The following KIAA0825 variants were observed in gnomAD, a reference collection of about 807,000 sequenced individuals.
KIAA0825 encodes the protein uncharacterized protein KIAA0825.
KIAA0825 carries 119 observed loss-of-function variants against 147.6 expected under a neutral mutation model. The observed-to-expected ratio is 0.81, with a 90% CI of 0.69 to 0.94. The LOEUF (loss-of-function observed/expected upper bound fraction) is 0.94, where lower values mean the gene tolerates loss of function less well. Ranked by LOEUF, KIAA0825 falls within the 40% of genes least tolerant of loss-of-function variation. KIAA0825 has a pLI of 0.00. For synonymous variants in KIAA0825, 470 were observed against 518.1 expected (o/e 0.91, Z 1.26); for missense variants, 1,381 against 1,472.7 (o/e 0.94, Z 1.02).
intron 20 of KIAA0825, among the ~76,000 whole-genome samples, chr5:94,267,863 A>T (rs922739876): frequency 5.9e-5 from 9 of 152,166 alleles, no homozygotes; most frequent in African/African-American, 1.9e-4. Flanking sequence ...AAATATGTTA[A>T]GTTTGCAGGT....
Position 94,421,677 on chromosome 5 carries a change from T to A in KIAA0825, c.2498-4312A>T, listed in dbSNP as rs571120588. Among the ~76,000 whole-genome samples the A allele has an allele frequency of 2.6e-5, 4 of 152,312 alleles. No homozygotes were observed. The East Asian group carries it at 7.7e-4, about 29-fold the overall frequency. On this transcript the variant is annotated intron_variant, in intron 14 of 20. Coordinates refer to ENST00000682413, the MANE Select transcript of KIAA0825 (RefSeq NM_001145678.3). ...TAGTTTAGGTTTTCTTTTCCTCTTGTTTTAATCAAAATACTTCCTAGAATA... is the reference window on the plus strand; with the variant it reads ...TAGTTTAGGTTTTCTTTTCCTCTTGATTTAATCAAAATACTTCCTAGAATA...
chr5:94,519,579 AT>A, intron 5 of KIAA0825: 1 of 592,808 alleles, frequency 1.7e-6, no homozygotes, highest in Non-Finnish European at 2.1e-6. Context: ...TATAGAAAAA[AT>A]AGTAGAGAAA....
chr5:94,474,670 C>CA (rs1226083011), intron 7 of KIAA0825, among the ~76,000 whole-genome samples: 1 of 152,074 alleles, frequency 6.6e-6, no homozygotes, highest in Non-Finnish European at 1.5e-5. Context: ...TTATATGATT[C>CA]CATGACTCTA....
At chr5:94,226,560 T>C (rs1583908572) in intron 20 of KIAA0825, among the ~76,000 whole-genome samples, 1 of 152,208 alleles carries the variant, frequency 6.6e-6, no homozygotes, top group South Asian at 2.1e-4. Flanking sequence ...TAAAGACATA[T>C]GCACAAATAT....
intron 20 of KIAA0825, among the ~76,000 whole-genome samples, chr5:94,326,984 C>G (rs1780758299): frequency 6.6e-6 from 1 of 152,030 alleles, no homozygotes; most frequent in Non-Finnish European, 1.5e-5. Flanking sequence ...TAAAAAGGAC[C>G]CTGATCACAT....
chr5:94,539,905 G>T (rs746635908), intron 2 of KIAA0825, among the ~76,000 whole-genome samples: 12 of 152,112 alleles, frequency 7.9e-5, no homozygotes, highest in Non-Finnish European at 1.6e-4. Flanking sequence ...TGCACTCTTT[G>T]CTGATGGCTA....
chr5:94,374,136 T>A (rs1303851328), intron 20 of KIAA0825, among the ~76,000 whole-genome samples: 1 of 152,200 alleles, frequency 6.6e-6, no homozygotes, highest in Non-Finnish European at 1.5e-5. Flanking sequence ...TAGTTTTTGA[T>A]CCAGTGCAAG....
intron 20 of KIAA0825, among the ~76,000 whole-genome samples, chr5:94,227,667 T>C (rs1774330310): frequency 6.6e-6 from 1 of 152,100 alleles, no homozygotes; most frequent in Non-Finnish European, 1.5e-5. Context: ...TTCATGTCCT[T>C]TGCAGGGACA....
intron 20 of KIAA0825, among the ~76,000 whole-genome samples, chr5:94,282,815 A>G (rs1777521038): frequency 6.6e-6 from 1 of 152,078 alleles, no homozygotes; most frequent in Admixed American, 6.6e-5. Context: ...ACAGAAAGCC[A>G]ATTTCAGGGT....
chr5:94,472,474 G>T (rs745986007), intron 8 of KIAA0825, among the ~76,000 whole-genome samples: 3 of 152,176 alleles, frequency 2.0e-5, no homozygotes, highest in Non-Finnish European at 4.4e-5. Context: ...GGCCGGGCGC[G>T]GTGGCTCACG....
intron 20 of KIAA0825, among the ~76,000 whole-genome samples, chr5:94,371,010 A>G (rs192804407): frequency 3.9e-4 from 59 of 152,260 alleles, no homozygotes; most frequent in Admixed American, 1.8e-3. Context: ...GCTTCAAATG[A>G]TTACAATTAG....
intron 1 of KIAA0825, among the ~76,000 whole-genome samples, chr5:94,601,695 TAACTGACCGGATAG>T (rs1786486064): frequency 6.6e-6 from 1 of 152,098 alleles, no homozygotes; most frequent in South Asian, 2.1e-4. Context: ...ACAGAGGATA[TAACTGACCGGATAG>T]AACTGAAAAA....
chr5:94,153,944 A>G lies in KIAA0825; in HGVS notation c.*63T>C. 1 of 1,177,798 alleles carries G rather than the reference A, an allele frequency of 8.5e-7. No individual in the cohort carries two copies. Among genetic ancestry groups the G allele is most frequent in the Non-Finnish European group, 1.2e-6 (1 of 809,178 alleles). The allele number at this position is 1,177,798 out of a possible 1,614,324, so 73.0% of individuals were successfully genotyped here. A position where few individuals can be genotyped will look rare whatever the true frequency, so the allele number is the denominator to read the frequency against. ...TATGAGGTTCATTCTGACTATGGTA[A>G]AAAATCCTACTCCATTACATGGGAT... On this transcript the variant is annotated 3_prime_UTR_variant, in exon 21 of 21. Transcript: ENST00000682413.
chr5:94,362,918 A>C (rs1039678725), intron 20 of KIAA0825, among the ~76,000 whole-genome samples: 1 of 152,240 alleles, frequency 6.6e-6, no homozygotes. Flanking sequence ...TCTGTATAAT[A>C]AAATAACAAG....
At chr5:94,299,821 T>G (rs1778306236) in intron 20 of KIAA0825, among the ~76,000 whole-genome samples, 2 of 152,196 alleles carry the variant, frequency 1.3e-5, no homozygotes, top group South Asian at 4.1e-4. Context: ...CTAGAGCCAA[T>G]AACTATTTCA....
intron 18 of KIAA0825, among the ~76,000 whole-genome samples, chr5:94,388,798 T>C (rs982074672): frequency 9.2e-5 from 14 of 152,238 alleles, no homozygotes; most frequent in Admixed American, 7.9e-4. Flanking sequence ...TTACCACTAA[T>C]TGGGCCATAT....
intron 1 of KIAA0825, among the ~76,000 whole-genome samples, chr5:94,602,840 T>G (rs370927992): frequency 1.6e-4 from 25 of 151,932 alleles, no homozygotes; most frequent in Admixed American, 1.6e-3. Flanking sequence ...CCTTTTTTTT[T>G]TTTTTTGAGA....
intron 20 of KIAA0825, among the ~76,000 whole-genome samples, chr5:94,379,765 C>A (rs939710951): frequency 1.4e-5 from 2 of 143,096 alleles, no homozygotes; most frequent in Admixed American, 7.1e-5. Flanking sequence ...TCTCTGATTT[C>A]TTTGAGCAGT....
At chr5:94,365,112 G>A (rs1268896562) in intron 20 of KIAA0825, among the ~76,000 whole-genome samples, 5 of 152,190 alleles carry the variant, frequency 3.3e-5, no homozygotes, top group Non-Finnish European at 5.9e-5. Context: ...GTGGCCCTAT[G>A]TAAATCGGGC....
Sources: allele counts gnomAD v4.1 joint callset (sites outside exome capture counted in the v4.1 genomes callset), GRCh38; gene constraint gnomAD v4.1.1; transcripts MANE v1.5; gene names NCBI Gene and HGNC (gene_info 2026-07-23, HGNC 2026-07-21).